The following RBFOX3 variants were observed in gnomAD, a reference collection of about 807,000 sequenced individuals.
RBFOX3 encodes the protein RNA binding fox-1 homolog 3.
RBFOX3 carries 17 observed loss-of-function variants against 48.7 expected under a neutral mutation model. The ratio of observed to expected loss-of-function variants is 0.35; its 90% CI spans 0.24 to 0.52. RBFOX3 has a LOEUF of 0.52. Ranked by LOEUF, RBFOX3 falls within the 20% of genes least tolerant of loss-of-function variation. RBFOX3 has a pLI of 0.94. For missense variants in RBFOX3, 382 were observed against 497.5 expected, an observed-to-expected ratio of 0.77 and a Z score of 2.21; for synonymous variants, 212 against 209.5, an observed-to-expected ratio of 1.01 and a Z score of -0.10.
At chr17:79,476,341 C>G (rs2077750500) in intron 2 of RBFOX3, among the ~76,000 whole-genome samples, 1 of 152,244 alleles carries the variant, frequency 6.6e-6, no homozygotes, top group African/African-American at 2.4e-5. Flanking sequence ...GCTCTAAAGT[C>G]ACCAAGGAAA....
chr17:79,096,818 C>T lies in RBFOX3; in HGVS notation c.771G>A (p.Thr257=), dbSNP rs1468088991. ...IPTYGAALEQ[T]LVKMPVPWAG... ...CCCATGGGACTGGCATTTTAACAAG[C>T]GTTTGCTCCAGTGCCCTGTTTTGGT... The change falls in exon 12 of 15, where the codon ACG becomes ACA. Residue 257 remains threonine, a synonymous_variant. Transcript: ENST00000693108. 2 of 828,588 alleles carry T rather than the reference C, an allele frequency of 2.4e-6. No homozygotes were observed. The highest frequency in any genetic ancestry group is 4.0e-6 in the Non-Finnish European group (2 of 493,982). The allele number at this position is 828,588 out of a possible 1,614,324, so 51.3% of individuals were successfully genotyped here. A position where few individuals can be genotyped will look rare whatever the true frequency, so the allele number is the denominator to read the frequency against.
At chr17:79,166,251 C>T (rs1475926011) in intron 4 of RBFOX3, among the ~76,000 whole-genome samples, 1 of 131,406 alleles carries the variant, frequency 7.6e-6, no homozygotes, top group Non-Finnish European at 1.8e-5. Context: ...TTCCCTCCTG[C>T]ACCCCCCAGC....
intron 4 of RBFOX3, among the ~76,000 whole-genome samples, chr17:79,206,927 C>T (rs1214488701): frequency 4.6e-5 from 7 of 152,214 alleles, no homozygotes; most frequent in Admixed American, 4.6e-4. Context: ...CTCCCCATTT[C>T]ACTTTTCCCA....
intron 3 of RBFOX3, among the ~76,000 whole-genome samples, chr17:79,263,283 C>T (rs768230169): frequency 3.9e-5 from 6 of 152,236 alleles, no homozygotes; most frequent in African/African-American, 1.4e-4. Context: ...TCCTCTCTCC[C>T]GGCCCAGCAT....
chr17:79,147,210 G>C (rs1217768504), intron 4 of RBFOX3, among the ~76,000 whole-genome samples: 1 of 152,218 alleles, frequency 6.6e-6, no homozygotes, highest in East Asian at 1.9e-4. Context: ...AGGACACTGT[G>C]GTCACAGGAG....
intron 2 of RBFOX3, among the ~76,000 whole-genome samples, chr17:79,395,229 T>C (rs2061847026): frequency 6.6e-6 from 1 of 152,264 alleles, no homozygotes; most frequent in Admixed American, 6.5e-5. Context: ...CCCAGCAATG[T>C]GTGGCGGCCT....
At chr17:79,277,307 G>C (rs999693190) in intron 3 of RBFOX3, among the ~76,000 whole-genome samples, 3 of 42,684 alleles carry the variant, frequency 7.0e-5, no homozygotes, top group African/African-American at 2.3e-4. Flanking sequence ...GTGGGGAGGG[G>C]GGGGGTAGTG....
intron 4 of RBFOX3, among the ~76,000 whole-genome samples, chr17:79,120,427 G>C (rs1010446685): frequency 6.6e-6 from 1 of 150,638 alleles, no homozygotes; most frequent in Non-Finnish European, 1.5e-5. Context: ...GGGTAGATGA[G>C]TGGATGGATC....
intron 8 of RBFOX3, 76 bp from the exon 9 acceptor site, chr17:79,101,720 C>G: frequency 7.5e-7 from 1 of 1,329,156 alleles, no homozygotes; most frequent in Non-Finnish European, 1.1e-6. Flanking sequence ...CTCCTCCCCG[C>G]CCTGCTCCGT....
At chr17:79,433,980 G>C (rs2068934324) in intron 2 of RBFOX3, among the ~76,000 whole-genome samples, 1 of 152,178 alleles carries the variant, frequency 6.6e-6, no homozygotes, top group South Asian at 2.1e-4. Context: ...CAGCACTAGA[G>C]GAAGCACCTC....
intron 1 of RBFOX3, among the ~76,000 whole-genome samples, chr17:79,519,216 C>T (rs1046130597): frequency 6.6e-6 from 1 of 152,244 alleles, no homozygotes; most frequent in African/African-American, 2.4e-5. Context: ...GCCCTCTCGG[C>T]AGATGGGGCC....
intron 1 of RBFOX3, among the ~76,000 whole-genome samples, chr17:79,520,711 G>A (rs2085936607): frequency 6.6e-6 from 1 of 152,238 alleles, no homozygotes; most frequent in Non-Finnish European, 1.5e-5. Context: ...CCTCAGGCTG[G>A]CAGAGCACAA....
chr17:79,492,449 G>A (rs976562146), intron 1 of RBFOX3, among the ~76,000 whole-genome samples: 2 of 152,240 alleles, frequency 1.3e-5, no homozygotes, highest in African/African-American at 4.8e-5. Context: ...GCCCTGTCAT[G>A]AGGACACTCA....
At chr17:79,322,939 C>T (rs1191025315) in intron 2 of RBFOX3, among the ~76,000 whole-genome samples, 2 of 152,226 alleles carry the variant, frequency 1.3e-5, no homozygotes, top group African/African-American at 2.4e-5. Flanking sequence ...ATTGCTGGCA[C>T]TGCATGTGGC....
chr17:79,353,750 C>T (rs1184944457), intron 2 of RBFOX3, among the ~76,000 whole-genome samples: 2 of 152,162 alleles, frequency 1.3e-5, no homozygotes, highest in Non-Finnish European at 2.9e-5. Flanking sequence ...CGAGGCTTAG[C>T]CAGGTGTCTG....
intron 3 of RBFOX3, among the ~76,000 whole-genome samples, chr17:79,303,357 A>G (rs4790000): frequency 0.7 from 106,263 of 152,080 alleles, 37,421 homozygotes; most frequent in East Asian, 0.84. Flanking sequence ...TCGCCTGTGG[A>G]CAGCATCGTC....
intron 2 of RBFOX3, among the ~76,000 whole-genome samples, chr17:79,356,386 T>TTTG (rs2085128508): frequency 9.6e-6 from 1 of 103,704 alleles, no homozygotes; most frequent in Admixed American, 1.3e-4. Flanking sequence ...TTTTTTTTTT[T>TTTG]GAGGAGGAGT....
intron 1 of RBFOX3, among the ~76,000 whole-genome samples, chr17:79,605,408 A>G (rs1458698852): frequency 6.6e-6 from 1 of 152,156 alleles, no homozygotes; most frequent in East Asian, 1.9e-4. Flanking sequence ...AAATAGACAT[A>G]CCCGGCCACC....
At chr17:79,125,572 G>A (rs1235844140) in intron 4 of RBFOX3, among the ~76,000 whole-genome samples, 1 of 152,010 alleles carries the variant, frequency 6.6e-6, no homozygotes, top group Non-Finnish European at 1.5e-5. Context: ...CAGGCGGCAA[G>A]GAGACAGGCT....
Sources: gnomAD v4.1 joint callset for allele counts (sites outside exome capture counted in the v4.1 genomes callset) on GRCh38, gnomAD v4.1.1 for gene constraint, MANE v1.5 for transcripts, NCBI Gene and HGNC (gene_info 2026-07-23, HGNC 2026-07-21) for gene names.